The following LINGO2 variants were observed in gnomAD, a reference collection of about 807,000 sequenced individuals.
LINGO2 encodes leucine-rich repeat and immunoglobulin-like domain-containing nogo receptor-interacting protein 2.
In LINGO2, 14 loss-of-function variants were observed where a neutral mutation model predicts 30.6. That is an observed-to-expected ratio of 0.46 (90% CI 0.30 to 0.72). LINGO2 has a LOEUF of 0.72. LINGO2 is among the 30% of genes least tolerant of loss of function. The pLI, the probability that LINGO2 is intolerant of heterozygous loss-of-function variation, is 0.07. For synonymous variants in LINGO2, 317 were observed against 288.5 expected, an observed-to-expected ratio of 1.10 and a Z score of -1.00; for missense variants, 729 against 751.7, an observed-to-expected ratio of 0.97 and a Z score of 0.35.
intron 2 of LINGO2, among the ~76,000 whole-genome samples, chr9:28,468,287 C>G (rs768594387): frequency 6.6e-6 from 1 of 152,092 alleles, no homozygotes; most frequent in African/African-American, 2.4e-5. Context: ...CTCACTTGGA[C>G]CAGAAAGAGC....
intron 4 of LINGO2, among the ~76,000 whole-genome samples, chr9:28,267,561 T>G (rs1352210328): frequency 6.6e-6 from 1 of 151,996 alleles, no homozygotes; most frequent in Non-Finnish European, 1.5e-5. Context: ...CACATCATTC[T>G]GTGGTTTTCC....
chr9:28,490,121 T>G (rs535211290), intron 1 of LINGO2, among the ~76,000 whole-genome samples: 1 of 152,210 alleles, frequency 6.6e-6, no homozygotes, highest in African/African-American at 2.4e-5. Flanking sequence ...TGGTGTGAGC[T>G]GCTTTCGAAT....
intron 2 of LINGO2, among the ~76,000 whole-genome samples, chr9:28,414,043 G>T (rs1313860672): frequency 6.6e-6 from 1 of 151,960 alleles, no homozygotes; most frequent in Non-Finnish European, 1.5e-5. Context: ...AATCAGAGTT[G>T]TACATAAGCA....
intron 4 of LINGO2, among the ~76,000 whole-genome samples, chr9:28,204,417 C>G (rs188104267): frequency 2.4e-4 from 37 of 152,264 alleles, no homozygotes; most frequent in Admixed American, 7.9e-4. Flanking sequence ...CTGTGATGCT[C>G]TTTCTTCAAC....
chr9:28,015,227 C>A (rs1210807432), intron 4 of LINGO2, among the ~76,000 whole-genome samples: 2 of 152,134 alleles, frequency 1.3e-5, no homozygotes, highest in African/African-American at 2.4e-5. Context: ...TCTTATTAAA[C>A]CTACTGATTT....
the LINGO2 span, among the ~76,000 whole-genome samples, chr9:28,755,854 T>A: frequency 6.6e-6 from 1 of 152,100 alleles, no homozygotes; most frequent in African/African-American, 2.4e-5. Flanking sequence ...TCATTTGCAC[T>A]GGTGGAGATA....
the LINGO2 span, among the ~76,000 whole-genome samples, chr9:28,901,670 C>T: frequency 8.8e-4 from 132 of 150,582 alleles, no homozygotes; most frequent in Non-Finnish European, 9.6e-4. Flanking sequence ...TTTACATAAA[C>T]CTCACAATAA....
chr9:28,275,393 A>G (rs1309703193), intron 4 of LINGO2, among the ~76,000 whole-genome samples: 1 of 151,990 alleles, frequency 6.6e-6, no homozygotes, highest in East Asian at 1.9e-4. Context: ...TTTTCTAAGT[A>G]TACCAAGTCA....
chr9:28,960,145 C>A, the LINGO2 span, among the ~76,000 whole-genome samples: 1 of 152,076 alleles, frequency 6.6e-6, no homozygotes, highest in African/African-American at 2.4e-5. Flanking sequence ...AGGATTTTGA[C>A]TAAAAGCATT....
chr9:28,441,099 T>A (rs1381168932), intron 2 of LINGO2, among the ~76,000 whole-genome samples: 1 of 151,992 alleles, frequency 6.6e-6, no homozygotes, highest in Non-Finnish European at 1.5e-5. Context: ...CTCTCACAGT[T>A]TTTTTCTACC....
chr9:28,523,445 G>T (rs1820899319), intron 1 of LINGO2, among the ~76,000 whole-genome samples: 1 of 152,040 alleles, frequency 6.6e-6, no homozygotes, highest in Non-Finnish European at 1.5e-5. Flanking sequence ...TGTATTGCAG[G>T]TATAAACAGG....
At chr9:29,197,791 G>C in the LINGO2 span, among the ~76,000 whole-genome samples, 1 of 151,996 alleles carries the variant, frequency 6.6e-6, no homozygotes, top group Admixed American at 6.6e-5. Context: ...CACTGTTTAA[G>C]CTGGAGCAAT....
At chr9:28,397,374 C>CAT (rs375219396) in intron 2 of LINGO2, among the ~76,000 whole-genome samples, 17,436 of 116,130 alleles carry the variant, frequency 0.15, 1,161 homozygotes, top group Middle Eastern at 0.23. Context: ...TATATATATA[C>CAT]ATATATATAT....
intron 4 of LINGO2, among the ~76,000 whole-genome samples, chr9:28,076,574 C>A (rs2133198166): frequency 6.6e-6 from 1 of 151,542 alleles, no homozygotes; most frequent in South Asian, 2.1e-4. Flanking sequence ...TATTTTTGAT[C>A]ACATTCCTTT....
chr9:28,607,917 T>A (rs972631167), intron 1 of LINGO2, among the ~76,000 whole-genome samples: 1 of 152,000 alleles, frequency 6.6e-6, no homozygotes, highest in African/African-American at 2.4e-5. Flanking sequence ...AAACAACTGG[T>A]GCTGCCTAGA....
At chr9:28,515,706 C>T (rs7869087) in intron 1 of LINGO2, among the ~76,000 whole-genome samples, 148,993 of 152,304 alleles carry the variant, frequency 0.98, 72,958 homozygotes, top group Middle Eastern at 1. Context: ...AGTCTACTTG[C>T]GGTGAAGATA....
At chr9:27,963,052 A>G (rs1471952702) in intron 5 of LINGO2, among the ~76,000 whole-genome samples, 2 of 152,168 alleles carry the variant, frequency 1.3e-5, no homozygotes, top group African/African-American at 2.4e-5. Flanking sequence ...AAGACTAAAA[A>G]TAGCATAAAT....
chr9:29,070,906 C>T, the LINGO2 span, among the ~76,000 whole-genome samples: 1 of 150,412 alleles, frequency 6.6e-6, no homozygotes, highest in African/African-American at 2.4e-5. Context: ...ATATATATGG[C>T]TAGAACCCCC....
the LINGO2 span, among the ~76,000 whole-genome samples, chr9:29,140,889 GA>G: frequency 8.6e-5 from 13 of 151,724 alleles, no homozygotes; most frequent in Non-Finnish European, 1.8e-4. Flanking sequence ...AGTACTAGAA[GA>G]AAAAAAGAAC....
Sources: gnomAD v4.1 joint callset for allele counts (sites outside exome capture counted in the v4.1 genomes callset) on GRCh38, gnomAD v4.1.1 for gene constraint, MANE v1.5 for transcripts, NCBI Gene and HGNC (gene_info 2026-07-23, HGNC 2026-07-21) for gene names.